The following KCNB2 variants were observed in gnomAD, a reference collection of about 807,000 sequenced individuals.
KCNB2 encodes potassium voltage-gated channel subfamily B member 2.
In KCNB2, 15 loss-of-function variants were observed where a neutral mutation model predicts 61.5. That is an observed-to-expected ratio of 0.24 (90% CI 0.16 to 0.38). The LOEUF is 0.38. Among genes scored for constraint, KCNB2 ranks in the 10% least tolerant of loss-of-function variants. The pLI, the probability that KCNB2 is intolerant of heterozygous loss-of-function variation, is 1.00. For missense variants in KCNB2, 828 were observed against 1,125.2 expected (o/e 0.74, Z 3.78); for synonymous variants, 457 against 446.0 (o/e 1.02, Z -0.31).
At chr8:72,857,426 G>A (rs73315039) in intron 2 of KCNB2, among the ~76,000 whole-genome samples, 44,255 of 152,058 alleles carry the variant, frequency 0.29, 6,573 homozygotes, top group South Asian at 0.41. Flanking sequence ...CCTTCTAGGA[G>A]TGAGAAGAAG....
chr8:72,918,092 CA>C (rs1279229608), intron 2 of KCNB2, among the ~76,000 whole-genome samples: 1 of 152,202 alleles, frequency 6.6e-6, no homozygotes, highest in African/African-American at 2.4e-5. Context: ...CATGATTTTA[CA>C]GAGAGAAAAT....
intron 2 of KCNB2, among the ~76,000 whole-genome samples, chr8:72,791,312 G>A (rs796764576): frequency 1.5e-4 from 23 of 152,250 alleles, no homozygotes; most frequent in African/African-American, 5.1e-4. Flanking sequence ...CACTTTGCGG[G>A]ACCAAGTTAG....
At chr8:72,626,618 A>G (rs1345987564) in intron 2 of KCNB2, among the ~76,000 whole-genome samples, 9 of 152,230 alleles carry the variant, frequency 5.9e-5, no homozygotes, top group African/African-American at 2.2e-4. Flanking sequence ...TTTTCTTAAA[A>G]GGATTATTGT....
intron 2 of KCNB2, among the ~76,000 whole-genome samples, chr8:72,626,043 T>C (rs967238357): frequency 6.6e-6 from 1 of 152,246 alleles, no homozygotes; most frequent in African/African-American, 2.4e-5. Flanking sequence ...ATTTGATTTC[T>C]ATAGAAAGAC....
At chr8:72,740,443 C>G (rs748802801) in intron 2 of KCNB2, among the ~76,000 whole-genome samples, 1 of 152,048 alleles carries the variant, frequency 6.6e-6, no homozygotes, top group Middle Eastern at 3.2e-3. Context: ...GGCCACTGTC[C>G]CCTACTAAAA....
intron 2 of KCNB2, among the ~76,000 whole-genome samples, chr8:72,926,592 A>G (rs1338354146): frequency 6.6e-6 from 1 of 152,134 alleles, no homozygotes; most frequent in Non-Finnish European, 1.5e-5. Flanking sequence ...ACATAAATAA[A>G]TATTATTTGG....
At chr8:72,628,094 C>G (rs903931480) in intron 2 of KCNB2, among the ~76,000 whole-genome samples, 1 of 152,068 alleles carries the variant, frequency 6.6e-6, no homozygotes, top group African/African-American at 2.4e-5. Context: ...GCTGGGACTA[C>G]AGGTGTGTGT....
At chr8:72,928,959 T>C (rs1651069528) in intron 2 of KCNB2, among the ~76,000 whole-genome samples, 1 of 152,164 alleles carries the variant, frequency 6.6e-6, no homozygotes, top group South Asian at 2.1e-4. Context: ...TTTTTATTGT[T>C]TCCCAATGCT....
intron 2 of KCNB2, among the ~76,000 whole-genome samples, chr8:72,874,457 G>A (rs759195149): frequency 6.6e-6 from 1 of 152,082 alleles, no homozygotes; most frequent in African/African-American, 2.4e-5. Flanking sequence ...TTCCCCCTAA[G>A]TCTGTATCTA....
intron 2 of KCNB2, among the ~76,000 whole-genome samples, chr8:72,729,611 C>T (rs771073214): frequency 3.9e-4 from 60 of 152,282 alleles, no homozygotes; most frequent in Non-Finnish European, 5.9e-4. Flanking sequence ...TTGCCGGGCG[C>T]GGTGGCTCAT....
chr8:72,905,788 T>C (rs1460768301), intron 2 of KCNB2, among the ~76,000 whole-genome samples: 1 of 151,262 alleles, frequency 6.6e-6, no homozygotes, highest in Non-Finnish European at 1.5e-5. Flanking sequence ...ACCAAGAACG[T>C]TGGGGAAACT....
chr8:72,785,391 C>G (rs2251233), intron 2 of KCNB2, among the ~76,000 whole-genome samples: 1 of 152,036 alleles, frequency 6.6e-6, no homozygotes, highest in East Asian at 1.9e-4. Flanking sequence ...CTTATATTTC[C>G]CTAGGACTGT....
intron 2 of KCNB2, among the ~76,000 whole-genome samples, chr8:72,814,355 T>TA (rs1188476399): frequency 1.3e-5 from 2 of 152,176 alleles, no homozygotes; most frequent in Non-Finnish European, 2.9e-5. Context: ...GGTATATCCA[T>TA]AAAAAGTGAA....
intron 2 of KCNB2, among the ~76,000 whole-genome samples, chr8:72,704,758 C>T (rs1807191323): frequency 6.6e-6 from 1 of 152,114 alleles, no homozygotes; most frequent in Non-Finnish European, 1.5e-5. Flanking sequence ...ATGCACAGTA[C>T]TTGATTCCAA....
Position 72,736,051 on chromosome 8 carries a change from C to G in KCNB2, c.579+167738C>G, listed in dbSNP as rs144443066. Among the ~76,000 whole-genome samples, 1,097 of 152,194 alleles carry G rather than the reference C, an allele frequency of 7.2e-3. 13 individuals carry two copies. The highest frequency in any genetic ancestry group is 0.025 in the African/African-American group (1,033 of 41,536). ...CTGTGATTCCAAAATTCCAACAACA[C>G]TGAAAACTGAAATATTTCTCAAGTT... On this transcript the variant is annotated intron_variant, in intron 2 of 2. Coordinates refer to ENST00000523207, the MANE Select transcript of KCNB2 (RefSeq NM_004770.3).
chr8:72,680,937 T>C (rs1254393487), intron 2 of KCNB2, among the ~76,000 whole-genome samples: 1 of 152,116 alleles, frequency 6.6e-6, no homozygotes, highest in African/African-American at 2.4e-5. Context: ...AGATTAGATA[T>C]ATTAAGTGTC....
At chr8:72,725,510 C>CATATATATATAT (rs774224955) in intron 2 of KCNB2, among the ~76,000 whole-genome samples, 1 of 58,928 alleles carries the variant, frequency 1.7e-5, no homozygotes, top group East Asian at 3.7e-4. Flanking sequence ...TCTTTGTCTT[C>CATATATATATAT]ATATATATAT....
At chr8:72,883,654 C>A (rs72653533) in intron 2 of KCNB2, among the ~76,000 whole-genome samples, 1 of 151,924 alleles carries the variant, frequency 6.6e-6, no homozygotes, top group Non-Finnish European at 1.5e-5. Flanking sequence ...CCCCCAGTAT[C>A]CCTCCCCAAT....
chr8:72,556,271 A>G (rs762209683), intron 1 of KCNB2, among the ~76,000 whole-genome samples: 12 of 152,178 alleles, frequency 7.9e-5, no homozygotes, highest in Non-Finnish European at 1.5e-5. Context: ...TAAGATTCAT[A>G]GATGCTAGTA....
Sources: allele counts gnomAD v4.1 joint callset (sites outside exome capture counted in the v4.1 genomes callset), GRCh38; gene constraint gnomAD v4.1.1; transcripts MANE v1.5; gene names NCBI Gene and HGNC (gene_info 2026-07-23, HGNC 2026-07-21).